SPMIP2: variants seen among roughly 807,000 people sequenced by gnomAD.
SPMIP2 encodes sperm microtubule inner protein 2.
At chr4:158,995,576 GA>G in the SPMIP2 span, among the ~76,000 whole-genome samples, 5 of 151,920 alleles carry the variant, frequency 3.3e-5, no homozygotes, top group African/African-American at 1.2e-4. Context: ...AATATTTTCT[GA>G]GCTGGACATG....
At chr4:159,003,576 G>C in the SPMIP2 span, among the ~76,000 whole-genome samples, 1 of 152,032 alleles carries the variant, frequency 6.6e-6, no homozygotes, top group African/African-American at 2.4e-5. Flanking sequence ...TGTACAGTAC[G>C]GCGCCTCAGA....
At chr4:158,988,809 C>T in the SPMIP2 span, among the ~76,000 whole-genome samples, 2 of 152,092 alleles carry the variant, frequency 1.3e-5, no homozygotes. Context: ...GGAAGCACTC[C>T]CTTTGAAAAC....
At chr4:158,982,523 C>G in the SPMIP2 span, among the ~76,000 whole-genome samples, 1 of 152,162 alleles carries the variant, frequency 6.6e-6, no homozygotes, top group Non-Finnish European at 1.5e-5. Context: ...AACAAACAGT[C>G]TCTCAGACCA....
At chr4:158,995,621 G>A in the SPMIP2 span, among the ~76,000 whole-genome samples, 1 of 152,086 alleles carries the variant, frequency 6.6e-6, no homozygotes. Flanking sequence ...CACTTTGGGA[G>A]GCCGAGGCAG....
chr4:159,078,528 C>T, the SPMIP2 span, among the ~76,000 whole-genome samples: 1 of 152,194 alleles, frequency 6.6e-6, no homozygotes, highest in Non-Finnish European at 1.5e-5. Context: ...ATAAGCACTT[C>T]ACTAAGTTGG....
chr4:158,893,530 C>T, the SPMIP2 span: 2 of 560,122 alleles, frequency 3.6e-6, no homozygotes, highest in East Asian at 5.6e-5. Context: ...AGACTGACAA[C>T]ACCTTTTTTC....
At chr4:159,080,518 C>T in the SPMIP2 span, among the ~76,000 whole-genome samples, 1 of 152,054 alleles carries the variant, frequency 6.6e-6, no homozygotes, top group Non-Finnish European at 1.5e-5. Flanking sequence ...TCATTGAGCC[C>T]CTTAATTGAT....
the SPMIP2 span, among the ~76,000 whole-genome samples, chr4:159,044,509 A>C: frequency 3.3e-5 from 5 of 152,204 alleles, no homozygotes; most frequent in East Asian, 9.7e-4. Context: ...AAATCAAGTC[A>C]AAAGGCCCTG....
the SPMIP2 span, among the ~76,000 whole-genome samples, chr4:159,074,101 A>G: frequency 1.3e-5 from 2 of 152,208 alleles, no homozygotes; most frequent in African/African-American, 4.8e-5. Context: ...GCAGGTCAAG[A>G]CTTTTCTAGT....
At chr4:159,071,665 A>C in the SPMIP2 span, among the ~76,000 whole-genome samples, 2,374 of 152,182 alleles carry the variant, frequency 0.016, 79 homozygotes, top group African/African-American at 0.054. Flanking sequence ...TAATGTTTGT[A>C]CCTGAGAATT....
At chr4:158,971,727 T>A in the SPMIP2 span, among the ~76,000 whole-genome samples, 3 of 152,178 alleles carry the variant, frequency 2.0e-5, no homozygotes, top group Non-Finnish European at 4.4e-5. Context: ...TATTAACTTA[T>A]GCACTGTTTA....
At chr4:159,039,309 A>T in the SPMIP2 span, among the ~76,000 whole-genome samples, 1 of 152,202 alleles carries the variant, frequency 6.6e-6, no homozygotes, top group Non-Finnish European at 1.5e-5. Context: ...GACTGTGTGG[A>T]GAATGGGCTT....
At chr4:158,895,524 C>T in the SPMIP2 span, among the ~76,000 whole-genome samples, 1 of 152,124 alleles carries the variant, frequency 6.6e-6, no homozygotes, top group African/African-American at 2.4e-5. Flanking sequence ...TAGAATAATA[C>T]ATATGTAAAT....
the SPMIP2 span, among the ~76,000 whole-genome samples, chr4:158,985,145 C>T: frequency 6.9e-6 from 1 of 144,682 alleles, no homozygotes; most frequent in Non-Finnish European, 1.5e-5. Flanking sequence ...TAATCAATAG[C>T]TTACCAACCA....
chr4:159,025,068 C>T, the SPMIP2 span, among the ~76,000 whole-genome samples: 1 of 152,174 alleles, frequency 6.6e-6, no homozygotes, highest in Admixed American at 6.5e-5. Flanking sequence ...AAGGTCACAA[C>T]AATAAGTAAG....
chr4:158,899,544 T>C, the SPMIP2 span, among the ~76,000 whole-genome samples: 2 of 152,240 alleles, frequency 1.3e-5, no homozygotes, highest in Non-Finnish European at 2.9e-5. Flanking sequence ...TATCAGTCTA[T>C]TCAGGGATTT....
chr4:158,895,074 G>A, the SPMIP2 span, among the ~76,000 whole-genome samples: 1 of 152,180 alleles, frequency 6.6e-6, no homozygotes, highest in Non-Finnish European at 1.5e-5. Context: ...TCTGGTGAAA[G>A]ACACAGATGG....
At chr4:158,964,171 ACAAAAC>A in the SPMIP2 span, among the ~76,000 whole-genome samples, 9 of 140,184 alleles carry the variant, frequency 6.4e-5, no homozygotes, top group Non-Finnish European at 1.3e-4. Context: ...ACAAAACAAA[ACAAAAC>A]AAAACAAAAC....
chr4:159,076,668 T>C, the SPMIP2 span, among the ~76,000 whole-genome samples: 1 of 152,246 alleles, frequency 6.6e-6, no homozygotes, highest in African/African-American at 2.4e-5. Context: ...TTCCTTCTTT[T>C]CTTTCTTTTT....
Sources: gnomAD v4.1 joint callset for allele counts (sites outside exome capture counted in the v4.1 genomes callset) on GRCh38, gnomAD v4.1.1 for gene constraint, MANE v1.5 for transcripts, NCBI Gene and HGNC (gene_info 2026-07-23, HGNC 2026-07-21) for gene names.